The following CD82 variants were observed in gnomAD, a reference collection of about 807,000 sequenced individuals.
The protein encoded by CD82 is CD82 antigen.
Under a neutral mutation model 37.4 loss-of-function variants are expected in CD82, and 36 were observed. The ratio of observed to expected loss-of-function variants is 0.96; its 90% CI spans 0.74 to 1.27. The LOEUF is 1.27. Ranked by LOEUF, CD82 falls within the 50% of genes most tolerant of loss-of-function variation. The pLI is 0.00. For synonymous variants in CD82, 158 were observed against 137.4 expected (o/e 1.15, Z -1.05); for missense variants, 340 against 347.0 (o/e 0.98, Z 0.16).
chr11:44,607,643 G>T (rs1853417042), intron 6 of CD82, among the ~76,000 whole-genome samples: 1 of 152,218 alleles, frequency 6.6e-6, no homozygotes, highest in African/African-American at 2.4e-5. Context: ...CTAGAAAAGT[G>T]AGCTGCAATA....
At chr11:44,576,974 TTCTC>T (rs1223075159) in intron 1 of CD82, among the ~76,000 whole-genome samples, 1 of 152,080 alleles carries the variant, frequency 6.6e-6, no homozygotes, top group Non-Finnish European at 1.5e-5. Context: ...GGAGAACTCT[TTCTC>T]TCTATTCTCA....
At chr11:44,592,160 C>T (rs1853154498) in intron 2 of CD82, among the ~76,000 whole-genome samples, 3 of 152,176 alleles carry the variant, frequency 2.0e-5, no homozygotes, top group South Asian at 4.1e-4. Flanking sequence ...GCTGAATGCC[C>T]CACCGTGAGG....
intron 6 of CD82, among the ~76,000 whole-genome samples, chr11:44,614,895 A>G (rs1185545553): frequency 6.6e-6 from 1 of 152,194 alleles, no homozygotes; most frequent in Non-Finnish European, 1.5e-5. Flanking sequence ...AGTCAGTTGA[A>G]GCAGAGGGAG....
At chr11:44,575,676 G>T (rs1368302688) in intron 1 of CD82, among the ~76,000 whole-genome samples, 2 of 152,130 alleles carry the variant, frequency 1.3e-5, no homozygotes, top group Non-Finnish European at 2.9e-5. Context: ...AGCTCCTGGT[G>T]TTGCTGACAG....
intron 1 of CD82, among the ~76,000 whole-genome samples, chr11:44,574,452 T>C (rs1852859861): frequency 6.6e-6 from 1 of 152,148 alleles, no homozygotes; most frequent in Non-Finnish European, 1.5e-5. Context: ...TTACACACAA[T>C]GTGGAAACAC....
chr11:44,607,301 C>A (rs879805311), intron 6 of CD82, among the ~76,000 whole-genome samples: 2 of 152,194 alleles, frequency 1.3e-5, no homozygotes. Context: ...GCAGTCAAGG[C>A]AAAAGTGGAA....
At chr11:44,600,105 G>C in intron 3 of CD82, 53 bp from the exon 4 acceptor site, 1 of 1,581,628 alleles carries the variant, frequency 6.3e-7, no homozygotes, top group South Asian at 1.1e-5. Context: ...CAGCTGGCAG[G>C]GGGAGGGCTA....
At chr11:44,608,789 G>T (rs1307544948) in intron 6 of CD82, among the ~76,000 whole-genome samples, 1 of 152,232 alleles carries the variant, frequency 6.6e-6, no homozygotes, top group African/African-American at 2.4e-5. Context: ...GCAGGCTGCT[G>T]CCCCAGCCCC....
At chr11:44,600,081 T>G in intron 3 of CD82, 77 bp from the exon 4 acceptor site, 1 of 1,478,594 alleles carries the variant, frequency 6.8e-7, no homozygotes, top group Non-Finnish European at 9.4e-7. Flanking sequence ...CCACCCTGAC[T>G]TGGGTTCCAG....
chr11:44,571,453 ACTCAT>A (rs1217208922), intron 1 of CD82, among the ~76,000 whole-genome samples: 1 of 152,188 alleles, frequency 6.6e-6, no homozygotes, highest in African/African-American at 2.4e-5. Context: ...CAATAATAGT[ACTCAT>A]CTCATAGGGT....
intron 5 of CD82, 74 bp from the exon 6 acceptor site, chr11:44,605,279 ATC>A: frequency 1.2e-6 from 2 of 1,610,284 alleles, no homozygotes; most frequent in Admixed American, 1.7e-5. Flanking sequence ...GGTGGAGAGC[ATC>A]TCTCGGGGCA....
At chr11:44,601,881 G>A (rs1234679077) in intron 4 of CD82, among the ~76,000 whole-genome samples, 1 of 152,150 alleles carries the variant, frequency 6.6e-6, no homozygotes, top group Non-Finnish European at 1.5e-5. Flanking sequence ...CTCTTGCCTG[G>A]TCACTAGGCA....
chr11:44,619,080 G>T lies in CD82; in HGVS notation c.758G>T (p.Cys253Phe), dbSNP rs1437030027. 1 of 1,613,264 alleles carries T rather than the reference G, an allele frequency of 6.2e-7. No individual in the cohort carries two copies. ...GGGATGGTCCTGTCCATCTGCTTGT[G>T]CCGGCACGTCCATTCCGAAGACTAC... is the stretch of plus-strand genomic sequence containing the variant. ...LLGMVLSICLCRHVHSEDYSK... is the reference protein window; with the variant it reads ...LLGMVLSICLFRHVHSEDYSK... Residue 253 changes from cysteine to phenylalanine, a missense_variant, in exon 10 of 10, where the codon TGC becomes TTC. By Grantham distance (205) the Cys-to-Phe change is radical (BLOSUM62 -2). Coordinates refer to ENST00000227155, the MANE Select transcript of CD82 (RefSeq NM_002231.4).
At chr11:44,569,024 G>A (rs1461973858) in intron 1 of CD82, among the ~76,000 whole-genome samples, 2 of 152,198 alleles carry the variant, frequency 1.3e-5, no homozygotes, top group East Asian at 1.9e-4. Context: ...AACATCAAAC[G>A]GCCAGGAGCT....
At chr11:44,615,018 G>A (rs1311461637) in intron 6 of CD82, among the ~76,000 whole-genome samples, 1 of 152,176 alleles carries the variant, frequency 6.6e-6, no homozygotes, top group Admixed American at 6.5e-5. Context: ...GCCCCTACGG[G>A]GTTTTCAGCA....
chr11:44,573,838 C>T (rs532597142), intron 1 of CD82, among the ~76,000 whole-genome samples: 14 of 152,210 alleles, frequency 9.2e-5, no homozygotes, highest in Non-Finnish European at 1.6e-4. Context: ...GTCTGTTCAC[C>T]TCTGGGCAAG....
intron 2 of CD82, among the ~76,000 whole-genome samples, chr11:44,591,239 C>A (rs1233829240): frequency 6.6e-6 from 1 of 152,160 alleles, no homozygotes; most frequent in East Asian, 1.9e-4. Context: ...GTGTAAGGGG[C>A]CAGGCAGCCT....
rs1329410388 is a variant in CD82, at chr11:44,620,051, G to C, written c.*925G>C. On this transcript the variant is annotated 3_prime_UTR_variant, in exon 10 of 10. Coordinates refer to ENST00000227155, the MANE Select transcript of CD82 (RefSeq NM_002231.4). ...CACGGCCTAGGGGAGCTGGGCTGGA[G>C]GGGGTCTGCCTGGGTAAGGGGATCT... 1 of 152,804 alleles carries C rather than the reference G, an allele frequency of 6.5e-6. No homozygotes were observed. Among genetic ancestry groups the C allele is most frequent in the East Asian group, 1.9e-4 (1 of 5,184 alleles). The allele number at this position is 152,804 out of a possible 1,614,324, so 9.5% of individuals were successfully genotyped here. A position where few individuals can be genotyped will look rare whatever the true frequency, so the allele number is the denominator to read the frequency against.
At chr11:44,595,251 C>T (rs966259875) in intron 3 of CD82, among the ~76,000 whole-genome samples, 1 of 151,994 alleles carries the variant, frequency 6.6e-6, no homozygotes, top group Non-Finnish European at 1.5e-5. Flanking sequence ...CCTCCTTCCC[C>T]AGACCCACCC....
Sources: gnomAD v4.1 joint callset for allele counts (sites outside exome capture counted in the v4.1 genomes callset) on GRCh38, gnomAD v4.1.1 for gene constraint, MANE v1.5 for transcripts, NCBI Gene and HGNC (gene_info 2026-07-23, HGNC 2026-07-21) for gene names.